ARHGAP11B: variants seen among roughly 807,000 people sequenced by gnomAD.
The protein encoded by ARHGAP11B is inactive Rho GTPase-activating protein 11B.
In ARHGAP11B, 14 loss-of-function variants were observed where a neutral mutation model predicts 27.6. The ratio of observed to expected loss-of-function variants is 0.51; its 90% CI spans 0.34 to 0.79. The LOEUF (loss-of-function observed/expected upper bound fraction) is 0.79. ARHGAP11B is among the 30% of genes least tolerant of loss of function. ARHGAP11B has a pLI of 0.02. For missense variants in ARHGAP11B, 245 were observed against 320.1 expected (o/e 0.77, Z 1.79); for synonymous variants, 82 against 114.1 (o/e 0.72, Z 1.80).
At chr15:30,638,138 T>G (rs2060293075) in intron 6 of ARHGAP11B, among the ~76,000 whole-genome samples, 1 of 149,762 alleles carries the variant, frequency 6.7e-6, no homozygotes, top group African/African-American at 2.5e-5. Context: ...ACATTTTAAA[T>G]GTATAACTCT....
intron 8 of ARHGAP11B, among the ~76,000 whole-genome samples, chr15:30,645,451 A>G (rs1274139434): frequency 1.3e-5 from 2 of 152,046 alleles, no homozygotes; most frequent in Non-Finnish European, 2.9e-5. Flanking sequence ...CAAAATATTA[A>G]TAGTGCTTTC....
At chr15:30,630,852 G>T in intron 2 of ARHGAP11B, 79 bp downstream of exon 2, 1 of 1,608,026 alleles carries the variant, frequency 6.2e-7, no homozygotes, top group Non-Finnish European at 8.5e-7. Context: ...GGCCGAGGTG[G>T]GCAGATCACT....
chr15:30,626,941 G>T lies in ARHGAP11B; in HGVS notation c.121G>T (p.Glu41Ter). Residue 41 changes from glutamate to a stop codon, truncating the protein, a stop_gained, in exon 1 of 11, where the codon GAA (glutamate) becomes TAA (stop). Coordinates refer to ENST00000428041, the Ensembl canonical transcript of ARHGAP11B. LOFTEE classifies it high-confidence loss of function. ...CAGGAGACATGAAACAGCAGCCACG[G>T]AAATAGGGGTAAGTTCTGTGAAAAG... The T allele has an allele frequency of 6.2e-7, 1 of 1,613,356 alleles. No individual in the cohort carries two copies. Among genetic ancestry groups the T allele is most frequent in the East Asian group, 2.2e-5 (1 of 44,804 alleles).
intron 7 of ARHGAP11B, among the ~76,000 whole-genome samples, chr15:30,639,975 T>C (rs1422321853): frequency 1.1e-5 from 1 of 92,926 alleles, no homozygotes; most frequent in South Asian, 3.0e-4. Context: ...ATATAGAGTG[T>C]GTGTGTGTGT....
At chr15:30,632,322 G>T (rs1374195838) in intron 2 of ARHGAP11B, among the ~76,000 whole-genome samples, 1 of 145,146 alleles carries the variant, frequency 6.9e-6, no homozygotes, top group African/African-American at 2.6e-5. Flanking sequence ...TCGGGAGGCT[G>T]AGGTGGGAGG....
intron 7 of ARHGAP11B, among the ~76,000 whole-genome samples, chr15:30,642,271 A>G (rs1397474983): frequency 1.3e-5 from 2 of 151,944 alleles, no homozygotes; most frequent in African/African-American, 4.8e-5. Flanking sequence ...TGATTCAAAC[A>G]TAAATGTATA....
At chr15:30,639,406 G>A (rs12910621) in intron 7 of ARHGAP11B, among the ~76,000 whole-genome samples, 4,203 of 151,466 alleles carry the variant, frequency 0.028, 23 homozygotes, top group Non-Finnish European at 0.046. Flanking sequence ...TGTCTCTTAA[G>A]AGTCTTGCCT....
Position 30,634,977 on chromosome 15 carries a change from G to A in ARHGAP11B, c.552-103G>A, listed in dbSNP as rs1033235274. ...ATGAAGGGTAACTATTTTGACTTGT[G>A]TATGACTGATAATAAAGTCTTCAAA... On this transcript the variant is annotated intron_variant, in intron 4 of 10. Transcript: ENST00000428041. 9 of 1,321,414 alleles carry A rather than the reference G, an allele frequency of 6.8e-6. 1 individual carries two copies. The highest frequency in any genetic ancestry group is 8.6e-6 in the Non-Finnish European group (8 of 935,046). 81.9% of individuals were successfully genotyped at this position (1,321,414 alleles called of 1,614,324 possible). A position where few individuals can be genotyped will look rare whatever the true frequency, so the allele number is the denominator to read the frequency against.
intron 7 of ARHGAP11B, among the ~76,000 whole-genome samples, chr15:30,644,053 A>C (rs1361764507): frequency 2.6e-5 from 4 of 151,782 alleles, no homozygotes; most frequent in Non-Finnish European, 4.4e-5. Context: ...AACCCACCTT[A>C]TACCTCTTCT....
exon 11 of ARHGAP11B, among the ~76,000 whole-genome samples, chr15:30,648,317 G>A (rs2060364299): frequency 6.6e-6 from 1 of 151,998 alleles, no homozygotes; most frequent in Non-Finnish European, 1.5e-5. Context: ...CAGCATACCA[G>A]GTGGAAAGCA....
At chr15:30,647,699 C>T (rs2060359397) in exon 10 of ARHGAP11B, 1 of 217,258 alleles carries the variant, frequency 4.6e-6, no homozygotes, top group South Asian at 7.7e-5. Flanking sequence ...TTGCGGATAG[C>T]TCCAAACTGG....
intron 7 of ARHGAP11B, among the ~76,000 whole-genome samples, chr15:30,639,526 T>C (rs1452877882): frequency 3.3e-5 from 5 of 151,878 alleles, no homozygotes; most frequent in African/African-American, 1.2e-4. Flanking sequence ...CTCTAAGTAA[T>C]AGCTTTATAA....
intron 8 of ARHGAP11B, chr15:30,644,737 T>G: frequency 1.4e-6 from 2 of 1,386,306 alleles, no homozygotes; most frequent in East Asian, 4.5e-5. Context: ...ACATGTAGAC[T>G]GTCTGTATAC....
intron 1 of ARHGAP11B, among the ~76,000 whole-genome samples, chr15:30,628,287 T>G: frequency 6.6e-6 from 1 of 151,888 alleles, no homozygotes; most frequent in Non-Finnish European, 1.5e-5. Context: ...TTCACTGTGT[T>G]AGCCAGGATG....
At chr15:30,630,597 T>C in intron 1 of ARHGAP11B, 106 bp from the exon 2 acceptor site, 2 of 1,571,752 alleles carry the variant, frequency 1.3e-6, no homozygotes, top group Non-Finnish European at 1.7e-6. Flanking sequence ...TTATCATTTA[T>C]TTCTGATTTT....
At chr15:30,630,427 C>T (rs1407187713) in intron 1 of ARHGAP11B, among the ~76,000 whole-genome samples, 2 of 151,814 alleles carry the variant, frequency 1.3e-5, no homozygotes, top group Non-Finnish European at 2.9e-5. Flanking sequence ...ACCAAATTGA[C>T]TTTATGATCA....
exon 9 of ARHGAP11B, chr15:30,646,154 CT>C: frequency 1.9e-6 from 2 of 1,059,328 alleles, no homozygotes; most frequent in Non-Finnish European, 2.3e-6. Flanking sequence ...ATTGGAATGA[CT>C]TTTTGTAACA....
chr15:30,637,888 T>G (rs1320176448), intron 6 of ARHGAP11B, among the ~76,000 whole-genome samples: 1 of 150,328 alleles, frequency 6.7e-6, no homozygotes, highest in Non-Finnish European at 1.5e-5. Flanking sequence ...GATGCTATCT[T>G]GGTTCACTGC....
At chr15:30,632,816 G>A (rs2060254384) in intron 2 of ARHGAP11B, among the ~76,000 whole-genome samples, 1 of 151,958 alleles carries the variant, frequency 6.6e-6, no homozygotes, top group African/African-American at 2.4e-5. Context: ...ACCTCGCCCT[G>A]TTTTTGGGTG....
Sources: gnomAD v4.1 joint callset for allele counts (sites outside exome capture counted in the v4.1 genomes callset) on GRCh38, gnomAD v4.1.1 for gene constraint, MANE v1.5 for transcripts, NCBI Gene and HGNC (gene_info 2026-07-23, HGNC 2026-07-21) for gene names.